The following ZFYVE9 variants were observed in gnomAD, a reference collection of about 807,000 sequenced individuals.
ZFYVE9 encodes zinc finger FYVE domain-containing protein 9.
A neutral mutation model predicts 126.7 loss-of-function variants in ZFYVE9; 43 were observed. That is an observed-to-expected ratio of 0.34 (90% confidence interval 0.27 to 0.44). The LOEUF (loss-of-function observed/expected upper bound fraction) is 0.44. Ranked by LOEUF, ZFYVE9 falls within the 20% of genes least tolerant of loss-of-function variation. The pLI is 1.00. For missense variants in ZFYVE9, 1,476 were observed against 1,697.0 expected, an observed-to-expected ratio of 0.87 and a Z score of 2.29; for synonymous variants, 521 against 597.4, an observed-to-expected ratio of 0.87 and a Z score of 1.87.
At chr1:52,282,695 C>T (rs901944065) in intron 10 of ZFYVE9, among the ~76,000 whole-genome samples, 3 of 152,138 alleles carry the variant, frequency 2.0e-5, no homozygotes, top group African/African-American at 7.2e-5. Flanking sequence ...ATAAAATGCA[C>T]TTCTGTGAAT....
intron 1 of ZFYVE9, among the ~76,000 whole-genome samples, chr1:52,185,652 G>A (rs1557444804): frequency 6.6e-6 from 1 of 152,168 alleles, no homozygotes; most frequent in Non-Finnish European, 1.5e-5. Context: ...GGCCGGGCAC[G>A]GTGGCTCACG....
At position 52,175,657 on chromosome 1, in the gene ZFYVE9, T is replaced by C. The variant is rs144976879; in HGVS notation, c.-143+33254T>C. Reference sequence around the variant, plus strand: ...TCAGGTACACCATTCAGATGTAGATTTGGTCTTTTCACATAGTCCCATTTT... The same window carrying C: ...TCAGGTACACCATTCAGATGTAGATCTGGTCTTTTCACATAGTCCCATTTT... On this transcript the variant is annotated intron_variant, in intron 1 of 18. Coordinates refer to ENST00000287727, the MANE Select transcript of ZFYVE9 (RefSeq NM_004799.4). Among the ~76,000 whole-genome samples, 1,275 of 152,286 alleles carry C rather than the reference T, an allele frequency of 8.4e-3. 20 individuals carry two copies. Among genetic ancestry groups the C allele is most frequent in the African/African-American group, 0.029 (1,216 of 41,556 alleles).
At chr1:52,232,038 A>C (rs1394503147) in intron 2 of ZFYVE9, among the ~76,000 whole-genome samples, 1 of 152,214 alleles carries the variant, frequency 6.6e-6, no homozygotes, top group Non-Finnish European at 1.5e-5. Flanking sequence ...ACACTACCTT[A>C]GTAAGTCAAA....
chr1:52,192,368 GGA>G (rs1178910019), intron 1 of ZFYVE9, among the ~76,000 whole-genome samples: 5 of 152,140 alleles, frequency 3.3e-5, no homozygotes. Context: ...TTGTTCATCC[GGA>G]GTCTATTATG....
chr1:52,181,845 T>TCTGAGAAGCGAGGAGCCCCTCCGCCCG (rs1644708611), intron 1 of ZFYVE9, among the ~76,000 whole-genome samples: 4 of 150,902 alleles, frequency 2.7e-5, no homozygotes, highest in East Asian at 2.0e-4. Context: ...CCCTCCGCCC[T>TCTGAGAAGCGAGGAGCCCCTCCGCCCG]GCAGCCGCCC....
intron 8 of ZFYVE9, among the ~76,000 whole-genome samples, chr1:52,276,416 G>A (rs1645749122): frequency 6.6e-6 from 1 of 152,100 alleles, no homozygotes; most frequent in African/African-American, 2.4e-5. Flanking sequence ...GACTTTTAAT[G>A]CCAGTACCGT....
intron 9 of ZFYVE9, among the ~76,000 whole-genome samples, chr1:52,279,074 G>A (rs576293198): frequency 1.3e-5 from 2 of 152,190 alleles, no homozygotes; most frequent in South Asian, 4.2e-4. Flanking sequence ...TTCTGAAAAA[G>A]TTGGTTTTTA....
At chr1:52,292,469 CTTTTTTTT>C (rs1159852399) in intron 10 of ZFYVE9, among the ~76,000 whole-genome samples, 2 of 102,036 alleles carry the variant, frequency 2.0e-5, no homozygotes, top group East Asian at 2.8e-4. Flanking sequence ...CTGAACATTT[CTTTTTTTT>C]TTTTTTTTTT....
intron 1 of ZFYVE9, among the ~76,000 whole-genome samples, chr1:52,167,483 T>C (rs1644524768): frequency 6.6e-6 from 1 of 152,106 alleles, no homozygotes; most frequent in African/African-American, 2.4e-5. Flanking sequence ...GAGATACATA[T>C]GAATCCTCGC....
intron 8 of ZFYVE9, among the ~76,000 whole-genome samples, chr1:52,276,666 T>A (rs761632793): frequency 1.4e-4 from 21 of 152,212 alleles, no homozygotes; most frequent in Non-Finnish European, 2.4e-4. Context: ...TACTGTAGAC[T>A]TCCTGAAGAA....
chr1:52,226,867 G>A (rs916368063), intron 2 of ZFYVE9, among the ~76,000 whole-genome samples: 1 of 152,204 alleles, frequency 6.6e-6, no homozygotes, highest in African/African-American at 2.4e-5. Context: ...TTTCTGATTA[G>A]CCTCTCCAAA....
intron 13 of ZFYVE9, among the ~76,000 whole-genome samples, chr1:52,327,302 G>A (rs1443383733): frequency 1.3e-5 from 2 of 152,052 alleles, no homozygotes; most frequent in Non-Finnish European, 2.9e-5. Context: ...CTCACTGGGG[G>A]TTAAAGAAGT....
intron 4 of ZFYVE9, among the ~76,000 whole-genome samples, chr1:52,254,788 G>A (rs1282912721): frequency 6.6e-6 from 1 of 151,946 alleles, no homozygotes; most frequent in Non-Finnish European, 1.5e-5. Context: ...GTAACGCAGT[G>A]AGACCTCATC....
intron 1 of ZFYVE9, among the ~76,000 whole-genome samples, chr1:52,203,506 T>A (rs571708943): frequency 0.037 from 5,499 of 148,992 alleles, 144 homozygotes; most frequent in South Asian, 0.073. Flanking sequence ...ATTAAAAAAA[T>A]TTTTTTTTAT....
intron 3 of ZFYVE9, among the ~76,000 whole-genome samples, chr1:52,234,952 C>G (rs370364754): frequency 6.6e-6 from 1 of 152,192 alleles, no homozygotes; most frequent in African/African-American, 2.4e-5. Context: ...TAGAATACCA[C>G]TGACTCTAAT....
chr1:52,318,461 T>A (rs1471926827), intron 13 of ZFYVE9, among the ~76,000 whole-genome samples: 1 of 151,620 alleles, frequency 6.6e-6, no homozygotes, highest in African/African-American at 2.4e-5. Flanking sequence ...AATGATTATC[T>A]ATGAAAAATC....
intron 1 of ZFYVE9, among the ~76,000 whole-genome samples, chr1:52,212,691 T>C (rs1645038783): frequency 6.6e-6 from 1 of 152,206 alleles, no homozygotes; most frequent in Non-Finnish European, 1.5e-5. Context: ...ATTCCACATA[T>C]TTTGAATACT....
intron 1 of ZFYVE9, among the ~76,000 whole-genome samples, chr1:52,202,927 C>T (rs1357117790): frequency 6.6e-6 from 1 of 151,880 alleles, no homozygotes; most frequent in African/African-American, 2.4e-5. Flanking sequence ...CTTAGGTGAT[C>T]CCCCCATCTT....
chr1:52,194,440 A>C (rs1205920384), intron 1 of ZFYVE9, among the ~76,000 whole-genome samples: 2 of 152,192 alleles, frequency 1.3e-5, no homozygotes, highest in Non-Finnish European at 2.9e-5. Flanking sequence ...ACATATAAGG[A>C]ATATTTGTAG....
Sources: gnomAD v4.1 joint callset for allele counts (sites outside exome capture counted in the v4.1 genomes callset) on GRCh38, gnomAD v4.1.1 for gene constraint, MANE v1.5 for transcripts, NCBI Gene and HGNC (gene_info 2026-07-23, HGNC 2026-07-21) for gene names.